The following DPY19L4 variants were observed in gnomAD, a reference collection of about 807,000 sequenced individuals.
DPY19L4 encodes probable C-mannosyltransferase DPY19L4.
Under a neutral mutation model 102.8 loss-of-function variants are expected in DPY19L4, and 97 were observed. The ratio of observed to expected loss-of-function variants is 0.94; its 90% CI spans 0.80 to 1.12. DPY19L4 has a LOEUF of 1.12. Ranked by LOEUF, DPY19L4 falls within the 50% of genes most tolerant of loss-of-function variation. The pLI, the probability that DPY19L4 is intolerant of heterozygous loss-of-function variation, is 0.00. For synonymous variants in DPY19L4, 252 were observed against 283.1 expected, an observed-to-expected ratio of 0.89 and a Z score of 1.10; for missense variants, 815 against 850.4, an observed-to-expected ratio of 0.96 and a Z score of 0.52.
At chr8:94,742,433 C>T (rs1811486241) in intron 6 of DPY19L4, among the ~76,000 whole-genome samples, 1 of 152,004 alleles carries the variant, frequency 6.6e-6, no homozygotes, top group African/African-American at 2.4e-5. Context: ...TACTCTGTTG[C>T]TTAGGCTGGA....
At chr8:94,772,594 T>C (rs1249372135) in intron 13 of DPY19L4, among the ~76,000 whole-genome samples, 2 of 152,236 alleles carry the variant, frequency 1.3e-5, no homozygotes, top group African/African-American at 4.8e-5. Flanking sequence ...GTACTGTCAA[T>C]CAGGGAAGCT....
In DPY19L4 at chr8:94,730,137, A is replaced by G. The variant is rs1167936215; in HGVS notation, c.127+3696A>G. Among the ~76,000 whole-genome samples, 6 of 148,208 alleles carry G rather than the reference A, an allele frequency of 4.0e-5. No individual in the cohort carries two copies. In the East Asian group the frequency reaches 8.0e-4, roughly 20 times the overall value. On this transcript the variant is annotated intron_variant, in intron 2 of 18. Transcript: ENST00000414645. ...TTCTCAACATATCATTGGCTTTTTT[A>G]TGTGCATTAAATATTACTTAACTGT... is the stretch of plus-strand genomic sequence containing the variant.
intron 4 of DPY19L4, among the ~76,000 whole-genome samples, chr8:94,739,116 C>T (rs56117523): frequency 0.08 from 12,228 of 152,114 alleles, 1,518 homozygotes; most frequent in African/African-American, 0.27. Flanking sequence ...TTTTTCCTAT[C>T]TAGCTGTAAT....
intron 13 of DPY19L4, among the ~76,000 whole-genome samples, chr8:94,775,425 G>C (rs372899626): frequency 6.6e-6 from 1 of 152,184 alleles, no homozygotes; most frequent in Non-Finnish European, 1.5e-5. Flanking sequence ...ACCCGCCTCA[G>C]CCTCCCAAAG....
intron 14 of DPY19L4, among the ~76,000 whole-genome samples, chr8:94,779,720 C>T (rs1813347879): frequency 6.6e-6 from 1 of 152,042 alleles, no homozygotes; most frequent in Non-Finnish European, 1.5e-5. Context: ...AGCCTCACTG[C>T]TTATTAAGTA....
At chr8:94,764,693 A>G (rs759274359) in intron 8 of DPY19L4, among the ~76,000 whole-genome samples, 2,901 of 34,346 alleles carry the variant, frequency 0.084, 148 homozygotes, top group African/African-American at 0.23. Context: ...GTGTGTGTAT[A>G]TATATATATA....
chr8:94,774,731 C>T lies in DPY19L4; in HGVS notation c.1455-2935C>T, dbSNP rs572078493. ...TAACTGGGATTACAGACATGCACCA[C>T]CATGCCCAGCTAATTTTGTATTTTT... On this transcript the variant is annotated intron_variant, in intron 13 of 18. Coordinates refer to ENST00000414645, the MANE Select transcript of DPY19L4 (RefSeq NM_181787.3). Among the ~76,000 whole-genome samples the T allele has an allele frequency of 1.8e-3, 281 of 152,158 alleles. 1 individual carries two copies. The highest frequency in any genetic ancestry group is 6.3e-3 in the African/African-American group (262 of 41,520).
At chr8:94,773,821 G>A (rs1813042731) in intron 13 of DPY19L4, among the ~76,000 whole-genome samples, 1 of 139,814 alleles carries the variant, frequency 7.2e-6, no homozygotes, top group South Asian at 2.2e-4. Flanking sequence ...GATCACTTGA[G>A]CCCAAGAGTT....
chr8:94,722,618 CATTT>C (rs1376203444), intron 1 of DPY19L4, among the ~76,000 whole-genome samples: 1 of 152,080 alleles, frequency 6.6e-6, no homozygotes, highest in Non-Finnish European at 1.5e-5. Flanking sequence ...AGTAAATTTT[CATTT>C]ATTATAATGC....
chr8:94,740,233 A>G (rs1474797218), intron 6 of DPY19L4, among the ~76,000 whole-genome samples: 1 of 152,108 alleles, frequency 6.6e-6, no homozygotes, highest in African/African-American at 2.4e-5. Flanking sequence ...TGAGATAATA[A>G]ATTTGTGTTG....
Position 94,765,191 on chromosome 8 carries a change from A to ATATATAAAATCTACATATTTTATAT in DPY19L4, c.879_880insTATATAAAATCTACATATTTTATAT (p.Val294TyrfsTer11), listed in dbSNP as rs1488353697. The ATATATAAAATCTACATATTTTATAT allele has an allele frequency of 6.6e-7, 1 of 1,510,092 alleles. No individual in the cohort carries two copies. Among genetic ancestry groups the ATATATAAAATCTACATATTTTATAT allele is most frequent in the African/African-American group, 1.4e-5 (1 of 71,550 alleles). The allele number at this position is 1,510,092 out of a possible 1,614,324, so 93.5% of individuals were successfully genotyped here. A position where few individuals can be genotyped will look rare whatever the true frequency, so the allele number is the denominator to read the frequency against. On this transcript the variant is annotated frameshift_variant, in exon 9 of 19. Coordinates refer to ENST00000414645, the MANE Select transcript of DPY19L4 (RefSeq NM_181787.3). LOFTEE classifies it high-confidence loss of function. ...TATTTTTGTCACAACAGGTTTATGA[A>ATATATAAAATCTACATATTTTATAT]GTTTATAAAATCTACATATTTTCCC...
chr8:94,777,830 T>C, intron 14 of DPY19L4, 44 bp downstream of exon 14: 1 of 1,568,290 alleles, frequency 6.4e-7, no homozygotes, highest in Non-Finnish European at 8.7e-7. Context: ...TTATATAAAA[T>C]CAAATGCTAA....
At chr8:94,764,660 T>TGC (rs1442497958) in intron 8 of DPY19L4, among the ~76,000 whole-genome samples, 3 of 126,614 alleles carry the variant, frequency 2.4e-5, no homozygotes, top group Admixed American at 8.3e-5. Flanking sequence ...TATGTATGTA[T>TGC]GTATGCGTGT....
intron 17 of DPY19L4, 59 bp from the exon 18 acceptor site, chr8:94,787,835 T>C: frequency 3.0e-6 from 3 of 992,602 alleles, no homozygotes; most frequent in Non-Finnish European, 3.8e-6. Context: ...GTTTTAAATG[T>C]CCTTTAAATT....
intron 1 of DPY19L4, among the ~76,000 whole-genome samples, chr8:94,725,371 C>A (rs573796279): frequency 3.9e-5 from 6 of 152,290 alleles, no homozygotes; most frequent in Admixed American, 2.0e-4. Flanking sequence ...TAGTACATTC[C>A]TGTTCATCTT....
At chr8:94,734,548 C>A in intron 2 of DPY19L4, 82 bp from the exon 3 acceptor site, 1 of 1,423,282 alleles carries the variant, frequency 7.0e-7, no homozygotes, top group South Asian at 1.3e-5. Flanking sequence ...GGACAAAGAC[C>A]ATAGAGGTAG....
At chr8:94,785,368 C>T (rs964914850) in intron 17 of DPY19L4, among the ~76,000 whole-genome samples, 6 of 152,106 alleles carry the variant, frequency 3.9e-5, no homozygotes, top group Non-Finnish European at 7.3e-5. Flanking sequence ...CGAACAATTC[C>T]GCCTACAAAA....
intron 11 of DPY19L4, among the ~76,000 whole-genome samples, chr8:94,767,281 A>G (rs554647628): frequency 6.7e-6 from 1 of 148,478 alleles, no homozygotes; most frequent in African/African-American, 2.5e-5. Context: ...ATAAACATAT[A>G]TACAACCAGG....
intron 13 of DPY19L4, among the ~76,000 whole-genome samples, chr8:94,771,663 A>G (rs1442594634): frequency 2.0e-5 from 3 of 152,224 alleles, no homozygotes; most frequent in East Asian, 1.9e-4. Flanking sequence ...AGGTGAACCA[A>G]AGAGGCAAGA....
Sources: allele counts gnomAD v4.1 joint callset (sites outside exome capture counted in the v4.1 genomes callset), GRCh38; gene constraint gnomAD v4.1.1; transcripts MANE v1.5; gene names NCBI Gene and HGNC (gene_info 2026-07-23, HGNC 2026-07-21).